PTPRN2: variants seen among roughly 807,000 people sequenced by gnomAD.
PTPRN2 encodes the protein receptor-type tyrosine-protein phosphatase N2.
In PTPRN2, 74 loss-of-function variants were observed where a neutral mutation model predicts 118.8. That is an observed-to-expected ratio of 0.62 (90% CI 0.52 to 0.76). The LOEUF is 0.76. Among genes scored for constraint, PTPRN2 ranks in the 30% least tolerant of loss-of-function variants. The pLI is 0.00. For missense variants in PTPRN2, 1,481 were observed against 1,394.4 expected, an observed-to-expected ratio of 1.06 and a Z score of -0.99; for synonymous variants, 641 against 608.0, an observed-to-expected ratio of 1.05 and a Z score of -0.80.
intron 12 of PTPRN2, among the ~76,000 whole-genome samples, chr7:157,887,670 CT>C (rs376469885): frequency 7.3e-3 from 51 of 6,940 alleles, no homozygotes; most frequent in Non-Finnish European, 0.012. Flanking sequence ...CCAGTACCCA[CT>C]TCCCCCAGTA....
intron 3 of PTPRN2, among the ~76,000 whole-genome samples, chr7:158,293,511 G>T (rs111739229): frequency 2.0e-5 from 3 of 152,166 alleles, no homozygotes; most frequent in African/African-American, 7.2e-5. Context: ...AGGAGGCAGA[G>T]GTTGCAGTGA....
intron 2 of PTPRN2, among the ~76,000 whole-genome samples, chr7:158,398,435 G>A (rs74717442): frequency 0.023 from 3,476 of 152,244 alleles, 150 homozygotes; most frequent in African/African-American, 0.078. Flanking sequence ...GGTGGGGCTC[G>A]GTGAGTGTCT....
Position 158,558,757 on chromosome 7 carries a change from T to TAAA in PTPRN2, c.112+28798_112+28800dup, listed in dbSNP as rs769102456. ...CCTTCTGGATACATCAGTGCTAGAC[T>TAAA]AAAAAAAAAAAAAAAAAAAAAAAAG... On this transcript the variant is annotated intron_variant, in intron 1 of 22. Transcript: ENST00000389418. Among the ~76,000 whole-genome samples, 17 of 59,770 alleles carry TAAA rather than the reference T, an allele frequency of 2.8e-4. 1 individual carries two copies. The highest frequency in any genetic ancestry group is 7.9e-4 in the African/African-American group (13 of 16,444). The allele number at this position is 59,770 out of a possible 152,430, so 39.2% of individuals were successfully genotyped here. A position where few individuals can be genotyped will look rare whatever the true frequency, so the allele number is the denominator to read the frequency against.
chr7:158,116,149 C>CATGA (rs543697839), intron 9 of PTPRN2, among the ~76,000 whole-genome samples: 1 of 152,204 alleles, frequency 6.6e-6, no homozygotes, highest in Non-Finnish European at 1.5e-5. Flanking sequence ...GCATTAACTG[C>CATGA]ATGAATGAAT....
intron 1 of PTPRN2, among the ~76,000 whole-genome samples, chr7:158,534,621 C>A (rs1825529984): frequency 6.6e-6 from 1 of 152,190 alleles, no homozygotes; most frequent in Non-Finnish European, 1.5e-5. Flanking sequence ...AGCTGCCACT[C>A]AGCTTGTCCA....
intron 11 of PTPRN2, among the ~76,000 whole-genome samples, chr7:157,905,925 G>A (rs950871582): frequency 1.3e-5 from 2 of 152,132 alleles, no homozygotes; most frequent in African/African-American, 2.4e-5. Flanking sequence ...GAGCTGAAAC[G>A]ACGTCCCCTA....
intron 12 of PTPRN2, among the ~76,000 whole-genome samples, chr7:157,800,215 G>A (rs1418786264): frequency 3.3e-5 from 5 of 152,270 alleles, no homozygotes; most frequent in Middle Eastern, 3.4e-3. Context: ...GCCAGCCTGC[G>A]TGGCCTCTGT....
At chr7:158,450,298 A>G (rs1818008531) in intron 2 of PTPRN2, among the ~76,000 whole-genome samples, 1 of 152,202 alleles carries the variant, frequency 6.6e-6, no homozygotes, top group Non-Finnish European at 1.5e-5. Flanking sequence ...CTACACACTG[A>G]GTTCAATGAG....
At chr7:158,455,214 G>A in intron 2 of PTPRN2, among the ~76,000 whole-genome samples, 1 of 152,088 alleles carries the variant, frequency 6.6e-6, no homozygotes, top group Non-Finnish European at 1.5e-5. Context: ...GACGCCATCG[G>A]CCACGGCCAC....
At chr7:157,917,783 C>A (rs982979980) in intron 11 of PTPRN2, among the ~76,000 whole-genome samples, 7 of 152,038 alleles carry the variant, frequency 4.6e-5, no homozygotes, top group Non-Finnish European at 1.0e-4. Flanking sequence ...GAAGGGACGG[C>A]CCCAGGTCCT....
At chr7:158,538,594 G>A (rs774034348) in intron 1 of PTPRN2, among the ~76,000 whole-genome samples, 6 of 152,172 alleles carry the variant, frequency 3.9e-5, no homozygotes, top group African/African-American at 7.2e-5. Context: ...GACCTGCAGA[G>A]ACGCATCCCA....
chr7:157,770,257 A>C (rs779978688), intron 12 of PTPRN2, among the ~76,000 whole-genome samples: 29 of 152,244 alleles, frequency 1.9e-4, no homozygotes, highest in Non-Finnish European at 3.4e-4. Context: ...ATAGAATATG[A>C]CTGGAGGTTT....
At chr7:158,326,272 C>T (rs1803515921) in intron 2 of PTPRN2, among the ~76,000 whole-genome samples, 1 of 152,240 alleles carries the variant, frequency 6.6e-6, no homozygotes, top group East Asian at 1.9e-4. Context: ...CACCAAGCAG[C>T]ACCAGTGACC....
intron 21 of PTPRN2, among the ~76,000 whole-genome samples, chr7:157,568,253 C>G (rs999044245): frequency 1.3e-5 from 2 of 152,042 alleles, no homozygotes; most frequent in Non-Finnish European, 2.9e-5. Flanking sequence ...GCCGTCTGCG[C>G]ATGCTGCCGC....
At chr7:158,065,391 T>G (rs1249600042) in intron 11 of PTPRN2, among the ~76,000 whole-genome samples, 4 of 152,220 alleles carry the variant, frequency 2.6e-5, no homozygotes, top group African/African-American at 9.6e-5. Flanking sequence ...TACTCCAAAA[T>G]GCAACGTGCA....
At chr7:158,290,325 C>T (rs180682416) in intron 3 of PTPRN2, among the ~76,000 whole-genome samples, 2 of 152,140 alleles carry the variant, frequency 1.3e-5, no homozygotes, top group South Asian at 2.1e-4. Context: ...TGGTTCAGTG[C>T]TGGGGCCTAC....
Position 157,705,506 on chromosome 7 carries a change from G to A in PTPRN2, c.1789-22569C>T, listed in dbSNP as rs1171735796. ...GGAACTGAGTGAATGTGACCCCAGTGCCTTCCAGATCAACGCGGATCACAT... is the reference window on the plus strand; with the variant it reads ...GGAACTGAGTGAATGTGACCCCAGTACCTTCCAGATCAACGCGGATCACAT... On this transcript the variant is annotated intron_variant, in intron 12 of 22. Coordinates refer to ENST00000389418, the MANE Select transcript of PTPRN2 (RefSeq NM_002847.5). Among the ~76,000 whole-genome samples, 3 of 152,184 alleles carry A rather than the reference G, an allele frequency of 2.0e-5. No individual in the cohort carries two copies. In the East Asian group the frequency reaches 5.8e-4, roughly 29 times the overall value.
intron 11 of PTPRN2, among the ~76,000 whole-genome samples, chr7:158,072,897 A>G (rs1043202428): frequency 1.3e-5 from 2 of 152,172 alleles, no homozygotes; most frequent in African/African-American, 4.8e-5. Flanking sequence ...TAATATTTGG[A>G]CAATTCATGT....
At position 157,921,255 on chromosome 7, in the gene PTPRN2, G is replaced by A. The variant is rs555671491; in HGVS notation, c.1724-22518C>T. Among the ~76,000 whole-genome samples the A allele has an allele frequency of 1.6e-4, 24 of 152,268 alleles. 2 individuals carry two copies. Among genetic ancestry groups the A allele is most frequent in the Admixed American group, 6.5e-4 (10 of 15,300 alleles). On this transcript the variant is annotated intron_variant, in intron 11 of 22. Coordinates refer to ENST00000389418, the MANE Select transcript of PTPRN2 (RefSeq NM_002847.5). ...AGGCTACACACTGCATGATTCCAAC[G>A]CTAAGACGTTCTGGAAAAGAACAAA...
Sources: allele counts gnomAD v4.1 joint callset (sites outside exome capture counted in the v4.1 genomes callset), GRCh38; gene constraint gnomAD v4.1.1; transcripts MANE v1.5; gene names NCBI Gene and HGNC (gene_info 2026-07-23, HGNC 2026-07-21).